Variants in IQCJ observed in about 807,000 individuals in gnomAD.
IQCJ encodes the protein IQ motif containing J.
Under a neutral mutation model 11.0 loss-of-function variants are expected in IQCJ, and 9 were observed. The observed-to-expected ratio is 0.82, with a 90% CI of 0.49 to 1.43. The LOEUF (loss-of-function observed/expected upper bound fraction) is 1.43, where lower values mean the gene tolerates loss of function less well. Ranked by LOEUF, IQCJ falls within the 40% of genes most tolerant of loss-of-function variation. The pLI, the probability that IQCJ is intolerant of heterozygous loss-of-function variation, is 0.00. For synonymous variants in IQCJ, 55 were observed against 51.3 expected (o/e 1.07, Z -0.31); for missense variants, 146 against 133.2 (o/e 1.10, Z -0.47).
chr3:159,205,510 A>C (rs1271112096), intron 1 of IQCJ, among the ~76,000 whole-genome samples: 1 of 152,198 alleles, frequency 6.6e-6, no homozygotes, highest in Non-Finnish European at 1.5e-5. Flanking sequence ...CAGGTCAACT[A>C]ACACTGTGTG....
intron 1 of IQCJ, among the ~76,000 whole-genome samples, chr3:159,234,706 C>T (rs1388846805): frequency 6.6e-6 from 1 of 151,844 alleles, no homozygotes; most frequent in Non-Finnish European, 1.5e-5. Context: ...TGAAATAGTC[C>T]CAGAGAGAAG....
At chr3:159,081,814 C>T (rs1012309357) in intron 1 of IQCJ, among the ~76,000 whole-genome samples, 1 of 151,892 alleles carries the variant, frequency 6.6e-6, no homozygotes, top group Non-Finnish European at 1.5e-5. Context: ...TAATTTTTGC[C>T]CTTAAACAAA....
intron 1 of IQCJ, among the ~76,000 whole-genome samples, chr3:159,188,496 G>C (rs1304274088): frequency 2.0e-5 from 3 of 152,164 alleles, no homozygotes; most frequent in Non-Finnish European, 4.4e-5. Flanking sequence ...TAAAAGATTG[G>C]TAAGAGCACA....
At chr3:159,251,536 T>C (rs2108211974) in intron 2 of IQCJ, among the ~76,000 whole-genome samples, 1 of 152,094 alleles carries the variant, frequency 6.6e-6, no homozygotes, top group African/African-American at 2.4e-5. Context: ...ACCACTGACC[T>C]TTTAAAAAAA....
intron 1 of IQCJ, among the ~76,000 whole-genome samples, chr3:159,122,858 C>A (rs1205934805): frequency 6.6e-6 from 1 of 152,124 alleles, no homozygotes; most frequent in Non-Finnish European, 1.5e-5. Flanking sequence ...TCAATCTGTT[C>A]ATCTTTCTGC....
At chr3:159,215,448 C>T (rs1285039726) in intron 1 of IQCJ, among the ~76,000 whole-genome samples, 12 of 152,030 alleles carry the variant, frequency 7.9e-5, no homozygotes, top group South Asian at 4.1e-4. Flanking sequence ...CCATATTTTC[C>T]GATACTTTGT....
chr3:159,141,598 A>C (rs1031332726), intron 1 of IQCJ, among the ~76,000 whole-genome samples: 1 of 152,218 alleles, frequency 6.6e-6, no homozygotes, highest in Non-Finnish European at 1.5e-5. Context: ...TAGCTAAGAG[A>C]GTAGTAGAAA....
At chr3:159,187,946 A>G (rs1440917926) in intron 1 of IQCJ, among the ~76,000 whole-genome samples, 2 of 152,176 alleles carry the variant, frequency 1.3e-5, no homozygotes, top group Non-Finnish European at 2.9e-5. Flanking sequence ...TATTAGGCTT[A>G]AGCCAATGAG....
rs150174602 is a variant in IQCJ, at chr3:159,117,880, ACT to A, written c.9+48440_9+48441del. Among the ~76,000 whole-genome samples, 1,431 of 152,306 alleles carry A rather than the reference ACT, an allele frequency of 9.4e-3. 27 individuals are homozygous for A. The highest frequency in any genetic ancestry group is 0.032 in the African/African-American group (1,346 of 41,558). ...TTATAACTTACCCGGCATCAGGTTT[ACT>A]AGCTACTGTGCTAGGAGCTTCCACA... On this transcript the variant is annotated intron_variant, in intron 1 of 3. Coordinates refer to ENST00000397832, the MANE Select transcript of IQCJ (RefSeq NM_001042706.3).
chr3:159,142,590 A>G (rs1463548446), intron 1 of IQCJ, among the ~76,000 whole-genome samples: 1 of 151,840 alleles, frequency 6.6e-6, no homozygotes, highest in Non-Finnish European at 1.5e-5. Context: ...CTAATTTTTT[A>G]TATTTTTAGT....
chr3:159,142,432 C>G lies in IQCJ; in HGVS notation c.9+72991C>G, dbSNP rs558422484. 4.4e-3 allele frequency among the ~76,000 whole-genome samples: 654 copies of G among 149,126 alleles called. 5 individuals carry two copies. Among genetic ancestry groups the G allele is most frequent in the African/African-American group, 0.014 (543 of 40,148 alleles). On this transcript the variant is annotated intron_variant, in intron 1 of 3. Coordinates refer to ENST00000397832, the MANE Select transcript of IQCJ (RefSeq NM_001042706.3). ...TGAGGGGCAGGTCTTTTCCCCCCCC[C>G]ACCAGATGGAGTCTCACGCTGTCAC...
rs565719628 is a variant in IQCJ at position 159,262,656 on chromosome 3, G to A, written c.264G>A (p.Met88Ile). The change falls in exon 4 of 4, where the codon ATG (methionine) becomes ATA (isoleucine). Residue 88 changes from methionine to isoleucine, a missense_variant. Physicochemically the swap from Met to Ile is conservative, Grantham distance 10. Coordinates refer to ENST00000397832, the MANE Select transcript of IQCJ (RefSeq NM_001042706.3). ...SSEKLSSSVSMNTFSDSSTPV... is the reference protein window; with the variant it reads ...SSEKLSSSVSINTFSDSSTPV... Reference sequence around the variant, plus strand: ...AGAAGCTGAGCAGCTCTGTCAGCATGAACACCTTCTCCGACAGCAGCACAC... The same window carrying A: ...AGAAGCTGAGCAGCTCTGTCAGCATAAACACCTTCTCCGACAGCAGCACAC... 1 of 1,613,986 alleles carries A rather than the reference G, an allele frequency of 6.2e-7. No individual in the cohort carries two copies. The highest frequency in any genetic ancestry group is 1.3e-5 in the African/African-American group (1 of 75,042).
In IQCJ at chr3:159,142,929, T is replaced by A. The variant is rs143712420; in HGVS notation, c.9+73488T>A. 3.2e-3 allele frequency among the ~76,000 whole-genome samples: 490 copies of A among 152,298 alleles called. 2 individuals are homozygous for A. Among genetic ancestry groups the A allele is most frequent in the African/African-American group, 0.011 (463 of 41,574 alleles). ...TGTAAGCCTTCAGCATATATTCCTGTAATTAATATATATTAGGTCTTGATA... is the reference window on the plus strand; with the variant it reads ...TGTAAGCCTTCAGCATATATTCCTGAAATTAATATATATTAGGTCTTGATA... On this transcript the variant is annotated intron_variant, in intron 1 of 3. Coordinates refer to ENST00000397832, the MANE Select transcript of IQCJ (RefSeq NM_001042706.3).
At chr3:159,241,099 A>G (rs1726891575) in intron 1 of IQCJ, among the ~76,000 whole-genome samples, 1 of 151,978 alleles carries the variant, frequency 6.6e-6, no homozygotes, top group Non-Finnish European at 1.5e-5. Flanking sequence ...ACCCCAACTG[A>G]AAGTGTTTTT....
At chr3:159,248,829 T>C (rs1300330665) in intron 2 of IQCJ, among the ~76,000 whole-genome samples, 1 of 152,116 alleles carries the variant, frequency 6.6e-6, no homozygotes, top group Non-Finnish European at 1.5e-5. Flanking sequence ...CATTTATTTA[T>C]TAAACCTGGC....
chr3:159,241,946 A>G (rs888545279), intron 1 of IQCJ, among the ~76,000 whole-genome samples: 1 of 152,244 alleles, frequency 6.6e-6, no homozygotes, highest in African/African-American at 2.4e-5. Flanking sequence ...AGAGAGTTCA[A>G]TCAAGGGAGG....
At chr3:159,156,914 G>T (rs1406673683) in intron 1 of IQCJ, among the ~76,000 whole-genome samples, 1 of 152,078 alleles carries the variant, frequency 6.6e-6, no homozygotes, top group Non-Finnish European at 1.5e-5. Flanking sequence ...GCCAGCCAGG[G>T]GGCTTACTAG....
intron 1 of IQCJ, among the ~76,000 whole-genome samples, chr3:159,118,687 T>C (rs1010476869): frequency 2.6e-5 from 4 of 152,224 alleles, no homozygotes; most frequent in Non-Finnish European, 4.4e-5. Context: ...CCTCAGCTTC[T>C]GTGTAGGTCT....
intron 1 of IQCJ, among the ~76,000 whole-genome samples, chr3:159,071,116 G>A (rs1429693122): frequency 6.6e-6 from 1 of 151,832 alleles, no homozygotes; most frequent in Non-Finnish European, 1.5e-5. Context: ...ATATAGAGCT[G>A]TGTACTTATA....
Sources: allele counts gnomAD v4.1 joint callset (sites outside exome capture counted in the v4.1 genomes callset), GRCh38; gene constraint gnomAD v4.1.1; transcripts MANE v1.5; gene names NCBI Gene and HGNC (gene_info 2026-07-23, HGNC 2026-07-21).